Variants in RNF6 observed in about 807,000 individuals in gnomAD.
RNF6 encodes E3 ubiquitin-protein ligase RNF6.
A neutral mutation model predicts 50.1 loss-of-function variants in RNF6; 21 were observed. The ratio of observed to expected loss-of-function variants is 0.42; its 90% confidence interval spans 0.30 to 0.60. The LOEUF (loss-of-function observed/expected upper bound fraction) is 0.60. Ranked by LOEUF, RNF6 falls within the 20% of genes least tolerant of loss-of-function variation. The probability of loss-of-function intolerance (pLI) is 0.20; values close to 1 mark genes in which losing one functional copy is unlikely to be tolerated. For missense variants in RNF6, 698 were observed against 838.2 expected (o/e 0.83, Z 2.07); for synonymous variants, 255 against 291.8 (o/e 0.87, Z 1.29).
chr13:26,147,356 G>T (rs980914699), intron 5 of RNF6, among the ~76,000 whole-genome samples: 1 of 152,206 alleles, frequency 6.6e-6, no homozygotes, highest in Non-Finnish European at 1.5e-5. Context: ...GCATTGTCTT[G>T]CAAGGCAACT....
rs1291052340 is a variant in RNF6 at position 26,214,029 on chromosome 13, T to C, written c.1853A>G (p.His618Arg). 6.2e-7 allele frequency: 1 copy of C among 1,614,122 alleles called. No individual in the cohort carries two copies. The highest frequency in any genetic ancestry group is 1.3e-5 in the African/African-American group (1 of 74,948). ...ACTATCAATACTGTTATGCTCATAGTGCCTGGTGGAAAGATTGTCAATCTG... is the reference window on the plus strand; with the variant it reads ...ACTATCAATACTGTTATGCTCATAGCGCCTGGTGGAAAGATTGTCAATCTG... ...KEQIDNLSTR[H>R]YEHNSIDSEL... Residue 618 changes from histidine (H) to arginine (R), a missense_variant, in exon 5 of 5, where the codon CAC becomes CGC. Coordinates refer to ENST00000381588, the MANE Select transcript of RNF6 (RefSeq NM_005977.4).
At chr13:26,204,830 T>C (rs1158284445) in intron 5 of RNF6, among the ~76,000 whole-genome samples, 6 of 152,216 alleles carry the variant, frequency 3.9e-5, no homozygotes, top group Admixed American at 3.9e-4. Context: ...CAATTCTAAT[T>C]GAAGTAGTTA....
chr13:26,169,467 T>C (rs1872589924), intron 5 of RNF6, among the ~76,000 whole-genome samples: 1 of 152,206 alleles, frequency 6.6e-6, no homozygotes, highest in Non-Finnish European at 1.5e-5. Flanking sequence ...GGCTTAACTG[T>C]ACATGGGTTT....
intron 5 of RNF6, among the ~76,000 whole-genome samples, chr13:26,166,968 G>A (rs184478144): frequency 6.6e-6 from 1 of 152,308 alleles, no homozygotes; most frequent in Admixed American, 6.5e-5. Context: ...CCCAAGCCAT[G>A]TGGAACTTAA....
intron 5 of RNF6, among the ~76,000 whole-genome samples, chr13:26,183,645 T>G (rs921846510): frequency 6.6e-6 from 1 of 152,038 alleles, no homozygotes; most frequent in Non-Finnish European, 1.5e-5. Context: ...ACTGAGAAGG[T>G]AAAATGGAAT....
chr13:26,151,649 T>A (rs1279175417), intron 5 of RNF6, among the ~76,000 whole-genome samples: 5 of 143,484 alleles, frequency 3.5e-5, no homozygotes, highest in African/African-American at 1.3e-4. Flanking sequence ...GAGGAGACAT[T>A]TTTTGGAGAC....
intron 5 of RNF6, among the ~76,000 whole-genome samples, chr13:26,191,724 A>T (rs301068): frequency 0.99 from 150,461 of 152,340 alleles, 74,330 homozygotes; most frequent in East Asian, 1. Flanking sequence ...ACTCAGTCAA[A>T]TAAACCTCTT....
At chr13:26,148,082 C>T (rs1871345025) in intron 5 of RNF6, among the ~76,000 whole-genome samples, 1 of 152,150 alleles carries the variant, frequency 6.6e-6, no homozygotes, top group African/African-American at 2.4e-5. Flanking sequence ...AGGAAACTTA[C>T]AACCATGACA....
chr13:26,163,725 T>C (rs1872320447), intron 5 of RNF6, among the ~76,000 whole-genome samples: 1 of 151,878 alleles, frequency 6.6e-6, no homozygotes, highest in Non-Finnish European at 1.5e-5. Context: ...TCCCTGATTG[T>C]ACCTAAAATT....
intron 5 of RNF6, chr13:26,142,163 C>T (rs984965766): frequency 6.6e-6 from 1 of 152,030 alleles, no homozygotes; most frequent in Non-Finnish European, 1.5e-5. Flanking sequence ...AAATACAAAT[C>T]AAAACCACAA....
chr13:26,197,782 T>G (rs775908025), intron 5 of RNF6, among the ~76,000 whole-genome samples: 15 of 151,844 alleles, frequency 9.9e-5, no homozygotes, highest in Non-Finnish European at 2.1e-4. Context: ...TCCCAGCACT[T>G]TGGGAGGCCG....
intron 5 of RNF6, among the ~76,000 whole-genome samples, chr13:26,197,793 A>G (rs1358175938): frequency 1.3e-5 from 2 of 151,872 alleles, no homozygotes; most frequent in Non-Finnish European, 2.9e-5. Context: ...TGGGAGGCCG[A>G]GGTGGGCAGA....
chr13:26,188,616 A>C (rs1873664089), intron 5 of RNF6, among the ~76,000 whole-genome samples: 1 of 126,438 alleles, frequency 7.9e-6, no homozygotes, highest in Non-Finnish European at 1.6e-5. Context: ...TGGACAAGTC[A>C]AAAGAGCTTT....
At chr13:26,152,726 A>C (rs1429563858) in intron 5 of RNF6, among the ~76,000 whole-genome samples, 1 of 152,212 alleles carries the variant, frequency 6.6e-6, no homozygotes, top group Non-Finnish European at 1.5e-5. Flanking sequence ...CAATGATTTT[A>C]AACTTCCTGG....
chr13:26,219,450 C>G lies in RNF6; in HGVS notation c.193+7G>C. On this transcript the variant is annotated splice_region_variant and intron_variant, in intron 3 of 4. Coordinates refer to ENST00000381588, the MANE Select transcript of RNF6 (RefSeq NM_005977.4). ...AAAGGGTGTTTCCTCTTTTACCCATCTCTTACCAGGGGTGCCTAAAAGATT... is the reference window on the plus strand; with the variant it reads ...AAAGGGTGTTTCCTCTTTTACCCATGTCTTACCAGGGGTGCCTAAAAGATT... 6.3e-7 allele frequency: 1 copy of G among 1,587,284 alleles called. No individual in the cohort carries two copies. The highest frequency in any genetic ancestry group is 1.7e-4 in the Middle Eastern group (1 of 5,948).
intron 5 of RNF6, among the ~76,000 whole-genome samples, chr13:26,149,457 G>A (rs1325620240): frequency 2.0e-5 from 3 of 151,930 alleles, no homozygotes; most frequent in African/African-American, 7.3e-5. Context: ...CGTGGTGGCA[G>A]GCGCCTGTAG....
chr13:26,174,604 A>G (rs2137642212), intron 5 of RNF6, among the ~76,000 whole-genome samples: 1 of 152,274 alleles, frequency 6.6e-6, no homozygotes, highest in Non-Finnish European at 1.5e-5. Flanking sequence ...CGGAGACTCA[A>G]AAAAAAGAAA....
At chr13:26,157,453 C>A (rs1871987924) in intron 5 of RNF6, among the ~76,000 whole-genome samples, 1 of 151,712 alleles carries the variant, frequency 6.6e-6, no homozygotes, top group Admixed American at 6.6e-5. Flanking sequence ...ACATGAATAA[C>A]AACTGGGAAA....
downstream of RNF6, among the ~76,000 whole-genome samples, chr13:26,211,400 GTCC>G (rs1455785861): frequency 2.6e-5 from 4 of 151,764 alleles, no homozygotes; most frequent in African/African-American, 9.7e-5. Context: ...CTCTTCCTTT[GTCC>G]TCCTAATTTT....
Sources: allele counts gnomAD v4.1 joint callset (sites outside exome capture counted in the v4.1 genomes callset), GRCh38; gene constraint gnomAD v4.1.1; transcripts MANE v1.5; gene names NCBI Gene and HGNC (gene_info 2026-07-23, HGNC 2026-07-21).